Variants in CLVS1 observed in about 807,000 individuals in gnomAD.
CLVS1 encodes the protein clavesin 1, also known as clavesin-1.
CLVS1 carries 10 observed loss-of-function variants against 33.1 expected under a neutral mutation model. The ratio of observed to expected loss-of-function variants is 0.30; its 90% CI spans 0.19 to 0.51. CLVS1 has a LOEUF of 0.51. CLVS1 is among the 20% of genes least tolerant of loss of function. The probability of loss-of-function intolerance (pLI) is 0.97; values close to 1 mark genes in which losing one functional copy is unlikely to be tolerated. For synonymous variants in CLVS1, 163 were observed against 166.1 expected (o/e 0.98, Z 0.14); for missense variants, 343 against 433.4 (o/e 0.79, Z 1.85).
chr8:60,999,153 C>G, the CLVS1 span, among the ~76,000 whole-genome samples: 2 of 152,144 alleles, frequency 1.3e-5, no homozygotes, highest in African/African-American at 4.8e-5. Flanking sequence ...CAGAGCCAAA[C>G]CAGGGTGTTT....
At chr8:61,245,945 A>T (rs2978556) in intron 2 of CLVS1, among the ~76,000 whole-genome samples, 56,771 of 150,084 alleles carry the variant, frequency 0.38, 11,066 homozygotes, top group Admixed American at 0.42. Context: ...TTAAAAAAAA[A>T]TTTTTTTGGA....
At chr8:61,181,894 G>C (rs930269846) in intron 2 of CLVS1, among the ~76,000 whole-genome samples, 2 of 151,672 alleles carry the variant, frequency 1.3e-5, no homozygotes, top group African/African-American at 4.8e-5. Context: ...GTAGAGATGG[G>C]GTTTCACTGT....
chr8:61,445,665 G>A (rs1816734173), intron 3 of CLVS1, among the ~76,000 whole-genome samples: 1 of 152,214 alleles, frequency 6.6e-6, no homozygotes, highest in African/African-American at 2.4e-5. Context: ...TAAGACAAAG[G>A]TAATACTAGC....
At chr8:61,476,953 T>C (rs960937055) in intron 5 of CLVS1, among the ~76,000 whole-genome samples, 1 of 152,230 alleles carries the variant, frequency 6.6e-6, no homozygotes, top group African/African-American at 2.4e-5. Flanking sequence ...ATAGCTCTTA[T>C]TATTTTGAGA....
chr8:60,993,302 T>C, the CLVS1 span, among the ~76,000 whole-genome samples: 2 of 152,244 alleles, frequency 1.3e-5, no homozygotes, highest in African/African-American at 4.8e-5. Context: ...TTAATGTCTA[T>C]ACTGCCAGTG....
At chr8:61,470,954 T>C (rs1817714488) in intron 5 of CLVS1, among the ~76,000 whole-genome samples, 2 of 152,190 alleles carry the variant, frequency 1.3e-5, no homozygotes. Flanking sequence ...CCTGTTGTCA[T>C]GGTGATCAGC....
intron 1 of CLVS1, among the ~76,000 whole-genome samples, chr8:61,061,375 G>C (rs973636374): frequency 2.0e-5 from 3 of 152,144 alleles, no homozygotes; most frequent in African/African-American, 7.2e-5. Flanking sequence ...CCTCTGCCAT[G>C]AATTCGCACC....
chr8:61,056,440 GA>G (rs1224237149), upstream of CLVS1, among the ~76,000 whole-genome samples: 1 of 152,078 alleles, frequency 6.6e-6, no homozygotes, highest in Non-Finnish European at 1.5e-5. Context: ...AAGTCTATTT[GA>G]CCCTGTTTTC....
intron 3 of CLVS1, among the ~76,000 whole-genome samples, chr8:61,428,413 A>G (rs1368698305): frequency 6.6e-6 from 1 of 152,246 alleles, no homozygotes; most frequent in Non-Finnish European, 1.5e-5. Flanking sequence ...CAATCACAAT[A>G]CAATGGCTAA....
At chr8:61,420,670 A>G (rs1314289539) in intron 3 of CLVS1, among the ~76,000 whole-genome samples, 3 of 152,000 alleles carry the variant, frequency 2.0e-5, no homozygotes, top group African/African-American at 7.3e-5. Context: ...TTTATATTGA[A>G]TACTCAAAAA....
intron 2 of CLVS1, among the ~76,000 whole-genome samples, chr8:61,281,465 C>T (rs547013544): frequency 2.1e-4 from 32 of 152,228 alleles, no homozygotes; most frequent in African/African-American, 7.5e-4. Context: ...ACAGAGAAGA[C>T]CATGTGAGGA....
At chr8:61,203,195 C>G (rs949762361) in intron 2 of CLVS1, 111 of 1,112,510 alleles carry the variant, frequency 1.0e-4, no homozygotes, top group Non-Finnish European at 1.4e-4. Flanking sequence ...AGAGGCTATT[C>G]AAGATCTCTG....
the CLVS1 span, among the ~76,000 whole-genome samples, chr8:60,987,014 T>C: frequency 6.6e-6 from 1 of 152,224 alleles, no homozygotes; most frequent in East Asian, 1.9e-4. Flanking sequence ...TAAGCTGCCA[T>C]TGAGTAGCCA....
At chr8:61,018,650 C>T in the CLVS1 span, among the ~76,000 whole-genome samples, 2 of 152,154 alleles carry the variant, frequency 1.3e-5, no homozygotes, top group East Asian at 1.9e-4. Flanking sequence ...CTTGATTGTA[C>T]GTTTTCTGGA....
chr8:61,138,804 G>T (rs1024130937), intron 2 of CLVS1, among the ~76,000 whole-genome samples: 2 of 152,204 alleles, frequency 1.3e-5, no homozygotes, highest in African/African-American at 2.4e-5. Flanking sequence ...ATGGGGAAAG[G>T]GTAGTTTGTC....
chr8:61,433,014 C>A (rs1365941623), intron 3 of CLVS1, among the ~76,000 whole-genome samples: 1 of 152,178 alleles, frequency 6.6e-6, no homozygotes, highest in Non-Finnish European at 1.5e-5. Flanking sequence ...AGTGCAGTGG[C>A]ACAATCACAG....
chr8:61,193,141 C>G, intron 2 of CLVS1, among the ~76,000 whole-genome samples: 1 of 152,132 alleles, frequency 6.6e-6, no homozygotes, highest in African/African-American at 2.4e-5. Context: ...CAATGATAGA[C>G]TGGATTAAGA....
chr8:61,259,792 AC>A (rs1211100266), intron 2 of CLVS1, among the ~76,000 whole-genome samples: 2 of 152,244 alleles, frequency 1.3e-5, no homozygotes, highest in Non-Finnish European at 2.9e-5. Flanking sequence ...TTAAGAGCAG[AC>A]GCGGAGCAGG....
At chr8:61,253,394 A>G (rs559759828) in intron 2 of CLVS1, among the ~76,000 whole-genome samples, 5 of 152,114 alleles carry the variant, frequency 3.3e-5, no homozygotes, top group African/African-American at 9.6e-5. Flanking sequence ...TGACAATTAT[A>G]CGTCTTGGAG....
Sources: gnomAD v4.1 joint callset for allele counts (sites outside exome capture counted in the v4.1 genomes callset) on GRCh38, gnomAD v4.1.1 for gene constraint, MANE v1.5 for transcripts, NCBI Gene and HGNC (gene_info 2026-07-23, HGNC 2026-07-21) for gene names.